Variants in TRDMT1 observed in about 807,000 individuals in gnomAD.
TRDMT1 encodes the protein tRNA aspartic acid methyltransferase 1, also known as tRNA (cytosine(38)-C(5))-methyltransferase.
TRDMT1 carries 49 observed loss-of-function variants against 51.2 expected under a neutral mutation model. The ratio of observed to expected loss-of-function variants is 0.96; its 90% CI spans 0.76 to 1.21. TRDMT1 has a LOEUF of 1.21. Among genes scored for constraint, TRDMT1 ranks in the 50% most tolerant of loss-of-function variants. TRDMT1 has a pLI of 0.00. For synonymous variants in TRDMT1, 187 were observed against 164.6 expected (o/e 1.14, Z -1.04); for missense variants, 534 against 462.3 (o/e 1.16, Z -1.42).
chr10:17,181,327 C>G (rs1349636331), intron 1 of TRDMT1, among the ~76,000 whole-genome samples: 4 of 152,264 alleles, frequency 2.6e-5, no homozygotes, highest in East Asian at 3.9e-4. Flanking sequence ...GCACTCTCAT[C>G]ACACTCCAGT....
rs1837796602 is a variant in TRDMT1 at position 17,142,853 on chromosome 10, T to A, written c.*6187A>T. ...CAGTGTGTCTTCCTGGTCCCACCTT[T>A]CAGAATTCTCCTTCTGATTCCTCTT... On this transcript the variant is annotated 3_prime_UTR_variant, in exon 11 of 11. Transcript: ENST00000377799. 1.9e-6 allele frequency: 1 copy of A among 520,684 alleles called. No homozygotes were observed. The highest frequency in any genetic ancestry group is 6.4e-5 in the Admixed American group (1 of 15,728). The allele number at this position is 520,684 out of a possible 1,614,324, so 32.3% of individuals were successfully genotyped here.
intron 1 of TRDMT1, among the ~76,000 whole-genome samples, chr10:17,182,184 G>A (rs1843361969): frequency 6.6e-6 from 1 of 152,104 alleles, no homozygotes; most frequent in Non-Finnish European, 1.5e-5. Flanking sequence ...GCTACTACAG[G>A]CATTTTGATG....
rs1461448079 is a variant in TRDMT1 at position 17,148,180 on chromosome 10, G to A, written c.*860C>T. On this transcript the variant is annotated 3_prime_UTR_variant, in exon 11 of 11. Transcript: ENST00000377799. ...TAAAAGTCATAAAAGTTCATTGAGA[G>A]TGTATGTTGCTACAATAAAGAACAA... 1 of 985,268 alleles carries A rather than the reference G, an allele frequency of 1.0e-6. No individual in the cohort carries two copies. Among genetic ancestry groups the A allele is most frequent in the Non-Finnish European group, 1.2e-6 (1 of 829,936 alleles). The allele number at this position is 985,268 out of a possible 1,614,324, so 61.0% of individuals were successfully genotyped here. A position where few individuals can be genotyped will look rare whatever the true frequency, so the allele number is the denominator to read the frequency against.
rs1842433858 is a variant in TRDMT1, at chr10:17,174,750, C to G, written c.65-90G>C. On this transcript the variant is annotated intron_variant, in intron 1 of 10. Coordinates refer to ENST00000377799, the MANE Select transcript of TRDMT1 (RefSeq NM_004412.7). ...AATAGCAGAATTTAGTAATCCATTT[C>G]CTTATTTCTTCATTTATTAGCCTCA... is the stretch of plus-strand genomic sequence containing the variant. 2.0e-5 allele frequency: 20 copies of G among 1,008,830 alleles called. No homozygotes were observed. The South Asian group carries it at 2.8e-4, about 14-fold the overall frequency. The allele number at this position is 1,008,830 out of a possible 1,614,324, so 62.5% of individuals were successfully genotyped here.
rs764335499 is a variant in TRDMT1, at chr10:17,149,089, C to T, written c.1127G>A (p.Ser376Asn). 1.2e-6 allele frequency: 2 copies of T among 1,611,624 alleles called. No individual in the cohort carries two copies. Among genetic ancestry groups the T allele is most frequent in the Non-Finnish European group, 1.7e-6 (2 of 1,179,164 alleles). ...TTTAGCTACTACATGCACGTTGAGA[C>T]TATTTCCAAGTAGGCGATAACGCTG... ...VKQRYRLLGN[S>N]LNVHVVAKLI... The change falls in exon 11 of 11, where the codon AGT becomes AAT. Residue 376 changes from serine to asparagine, a missense_variant. Ser to Asn is a conservative substitution (Grantham distance 46). Transcript: ENST00000377799.
intron 3 of TRDMT1, among the ~76,000 whole-genome samples, chr10:17,168,574 G>A (rs1841524540): frequency 6.6e-6 from 1 of 152,108 alleles, no homozygotes; most frequent in Non-Finnish European, 1.5e-5. Flanking sequence ...GCAGGTCTCT[G>A]CTGTGCTGTT....
At chr10:17,188,990 A>T (rs1844324346) in intron 1 of TRDMT1, among the ~76,000 whole-genome samples, 1 of 152,186 alleles carries the variant, frequency 6.6e-6, no homozygotes, top group Admixed American at 6.5e-5. Flanking sequence ...CCATTGAGTG[A>T]CCTCAATAAG....
chr10:17,150,692 G>A (rs1334780215), intron 10 of TRDMT1: 1 of 984,728 alleles, frequency 1.0e-6, no homozygotes, highest in Non-Finnish European at 1.2e-6. Context: ...ATGAGGACAG[G>A]AAGGTAGAAT....
intron 1 of TRDMT1, among the ~76,000 whole-genome samples, chr10:17,189,748 T>G (rs765252272): frequency 1.1e-4 from 16 of 152,158 alleles, no homozygotes; most frequent in Non-Finnish European, 2.2e-4. Context: ...ATGATTTCAA[T>G]TTAACTAGAA....
intron 1 of TRDMT1, among the ~76,000 whole-genome samples, chr10:17,194,553 T>A (rs1191363299): frequency 6.6e-6 from 1 of 151,498 alleles, no homozygotes; most frequent in Non-Finnish European, 1.5e-5. Flanking sequence ...TGAAAAAAAA[T>A]AGTCATCATC....
At chr10:17,164,162 T>G (rs1486420420) in intron 3 of TRDMT1, among the ~76,000 whole-genome samples, 1 of 152,148 alleles carries the variant, frequency 6.6e-6, no homozygotes, top group Non-Finnish European at 1.5e-5. Context: ...TCAAAAAGCT[T>G]ATCCACCATG....
chr10:17,162,843 T>C (rs1352815089), intron 3 of TRDMT1, among the ~76,000 whole-genome samples: 1 of 152,134 alleles, frequency 6.6e-6, no homozygotes, highest in Non-Finnish European at 1.5e-5. Flanking sequence ...TATAAAACAA[T>C]ATGACAAATG....
intron 1 of TRDMT1, among the ~76,000 whole-genome samples, chr10:17,195,868 TAA>T (rs997933715): frequency 7.9e-5 from 12 of 152,166 alleles, no homozygotes; most frequent in African/African-American, 2.7e-4. Context: ...ACTTGCTATA[TAA>T]GAGTAACTAG....
rs1051203292 is a variant in TRDMT1, at chr10:17,139,079, A to T, written c.*9961T>A. On this transcript the variant is annotated 3_prime_UTR_variant, in exon 11 of 11. Transcript: ENST00000377799. ...CAACAGAGCTTTCTCTACCTCCAACAGCTCCCGGAATGGGGACTTCAGCAG... is the reference window on the plus strand; with the variant it reads ...CAACAGAGCTTTCTCTACCTCCAACTGCTCCCGGAATGGGGACTTCAGCAG... 7 of 732,320 alleles carry T rather than the reference A, an allele frequency of 9.6e-6. No individual in the cohort carries two copies. The African/African-American group carries it at 1.3e-4, about 14-fold the overall frequency. 45.4% of individuals were successfully genotyped at this position (732,320 alleles called of 1,614,324 possible).
At chr10:17,179,382 A>G (rs951210150) in intron 1 of TRDMT1, among the ~76,000 whole-genome samples, 1 of 152,152 alleles carries the variant, frequency 6.6e-6, no homozygotes, top group African/African-American at 2.4e-5. Context: ...CTGAGGATGC[A>G]GGGACCTCAA....
chr10:17,148,317 A>G lies in TRDMT1; in HGVS notation c.*723T>C. 7 of 985,450 alleles carry G rather than the reference A, an allele frequency of 7.1e-6. No individual in the cohort carries two copies. Among genetic ancestry groups the G allele is most frequent in the Non-Finnish European group, 8.4e-6 (7 of 829,938 alleles). The allele number at this position is 985,450 out of a possible 1,614,324, so 61.0% of individuals were successfully genotyped here. On this transcript the variant is annotated 3_prime_UTR_variant, in exon 11 of 11. Coordinates refer to ENST00000377799, the MANE Select transcript of TRDMT1 (RefSeq NM_004412.7). ...CGTGCAAAGGCAAATTCAACTCAGAAGCTGAGAAGACAAAAACAAGCTTTG... is the reference window on the plus strand; with the variant it reads ...CGTGCAAAGGCAAATTCAACTCAGAGGCTGAGAAGACAAAAACAAGCTTTG...
intron 1 of TRDMT1, among the ~76,000 whole-genome samples, chr10:17,186,405 G>T (rs1027181304): frequency 1.3e-5 from 2 of 152,138 alleles, no homozygotes; most frequent in Non-Finnish European, 2.9e-5. Context: ...AATCAGAGAA[G>T]GGGATTTGGA....
chr10:17,195,111 A>C (rs1845230125), intron 1 of TRDMT1, among the ~76,000 whole-genome samples: 1 of 152,208 alleles, frequency 6.6e-6, no homozygotes, highest in African/African-American at 2.4e-5. Context: ...CAAGCTCATT[A>C]CTGAGTATAC....
At chr10:17,162,292 A>T in intron 3 of TRDMT1, 55 bp from the exon 4 acceptor site, 1 of 1,493,660 alleles carries the variant, frequency 6.7e-7, no homozygotes, top group Non-Finnish European at 9.1e-7. Context: ...TTTATTAAGA[A>T]TCTGATAAAA....
Sources: gnomAD v4.1 joint callset for allele counts (sites outside exome capture counted in the v4.1 genomes callset) on GRCh38, gnomAD v4.1.1 for gene constraint, MANE v1.5 for transcripts, NCBI Gene and HGNC (gene_info 2026-07-23, HGNC 2026-07-21) for gene names.